The following GPC5 variants were observed in gnomAD, a reference collection of about 807,000 sequenced individuals.
The protein encoded by GPC5 is glypican 5, also known as glypican-5.
Under a neutral mutation model 53.9 loss-of-function variants are expected in GPC5, and 47 were observed. The observed-to-expected ratio is 0.87, with a 90% CI of 0.69 to 1.11. GPC5 has a LOEUF of 1.11. Among genes scored for constraint, GPC5 ranks in the 50% most tolerant of loss-of-function variants. GPC5 has a pLI of 0.00. For missense variants in GPC5, 748 were observed against 713.1 expected (o/e 1.05, Z -0.56); for synonymous variants, 286 against 263.3 (o/e 1.09, Z -0.84).
chr13:91,425,881 CA>C (rs1879006599), intron 1 of GPC5, among the ~76,000 whole-genome samples: 1 of 152,036 alleles, frequency 6.6e-6, no homozygotes, highest in Non-Finnish European at 1.5e-5. Context: ...TGGTTTTGAT[CA>C]AAATGCTGAT....
At position 91,693,815 on chromosome 13, in the gene GPC5, C is replaced by A. The variant is rs1186026116; in HGVS notation, c.954C>A (p.Asn318Lys). The A allele has an allele frequency of 1.2e-6, 2 of 1,613,068 alleles. No homozygotes were observed. The highest frequency in any genetic ancestry group is 1.7e-5 in the Admixed American group (1 of 60,012). ...GTYDIGHVLL[N>K]FHLLVNDAVL... ...ACGACATTGGACACGTGCTGCTGAA[C>A]TTTCACTTGCTTGTTAATGATGCTG... The change falls in exon 3 of 8, where the codon AAC (asparagine) becomes AAA (lysine). Residue 318 changes from asparagine to lysine, a missense_variant. Asn to Lys is a moderately conservative substitution (Grantham distance 94). Transcript: ENST00000377067.
At chr13:91,932,853 A>C (rs2039834462) in intron 6 of GPC5, among the ~76,000 whole-genome samples, 1 of 151,980 alleles carries the variant, frequency 6.6e-6, no homozygotes, top group African/African-American at 2.4e-5. Context: ...CATTTCTCTA[A>C]GTATATTCCA....
chr13:91,551,532 G>A (rs986218069), intron 2 of GPC5, among the ~76,000 whole-genome samples: 1 of 152,106 alleles, frequency 6.6e-6, no homozygotes, highest in South Asian at 2.1e-4. Flanking sequence ...TCCATGGTAT[G>A]TCAGGGATTG....
intron 5 of GPC5, among the ~76,000 whole-genome samples, chr13:91,872,592 CAT>C (rs1594631926): frequency 1.3e-5 from 2 of 151,906 alleles, no homozygotes; most frequent in Admixed American, 6.6e-5. Flanking sequence ...ACATTATATG[CAT>C]ATATGTTATT....
In GPC5 at chr13:91,509,281, C is replaced by T. The variant is rs1476668344; in HGVS notation, c.325+60359C>T. Among the ~76,000 whole-genome samples the T allele has an allele frequency of 2.5e-5, 3 of 120,216 alleles. No homozygotes were observed. The South Asian group carries it at 1.0e-3, about 41-fold the overall frequency. The allele number at this position is 120,216 out of a possible 152,430, so 78.9% of individuals were successfully genotyped here. ...TCAGAGCTCATACCAGGTCAAACTA[C>T]TACATAACTGTTGCAAACAAAAAAA... On this transcript the variant is annotated intron_variant, in intron 2 of 7. Transcript: ENST00000377067.
chr13:92,680,318 C>T (rs931984413), intron 7 of GPC5, among the ~76,000 whole-genome samples: 2 of 152,212 alleles, frequency 1.3e-5, no homozygotes, highest in African/African-American at 4.8e-5. Context: ...AGAGATTCAA[C>T]TCTTTTCAAC....
chr13:91,714,371 A>G (rs1193992651), intron 3 of GPC5, among the ~76,000 whole-genome samples: 2 of 152,000 alleles, frequency 1.3e-5, no homozygotes, highest in Non-Finnish European at 2.9e-5. Context: ...GGATACAATC[A>G]CACACACACA....
chr13:91,925,875 T>A (rs1255340019), intron 6 of GPC5, among the ~76,000 whole-genome samples: 1 of 152,196 alleles, frequency 6.6e-6, no homozygotes, highest in African/African-American at 2.4e-5. Flanking sequence ...TGAGATGGAA[T>A]GGAGAATAAA....
At chr13:91,520,884 G>T (rs947173951) in intron 2 of GPC5, among the ~76,000 whole-genome samples, 38 of 151,944 alleles carry the variant, frequency 2.5e-4, no homozygotes, top group African/African-American at 8.9e-4. Flanking sequence ...TGATGATTGG[G>T]GGGTTTTGGT....
At chr13:92,218,399 CA>C (rs1339580132) in intron 7 of GPC5, among the ~76,000 whole-genome samples, 1 of 152,100 alleles carries the variant, frequency 6.6e-6, no homozygotes, top group Non-Finnish European at 1.5e-5. Context: ...CGTACATGGT[CA>C]AGTGATGTTA....
intron 6 of GPC5, among the ~76,000 whole-genome samples, chr13:92,131,803 A>G (rs190437601): frequency 3.9e-5 from 6 of 152,092 alleles, no homozygotes; most frequent in Non-Finnish European, 8.8e-5. Flanking sequence ...AATAAGGAGT[A>G]TACTTAAGAT....
chr13:92,179,121 G>A (rs1006091409), intron 7 of GPC5, among the ~76,000 whole-genome samples: 1 of 152,094 alleles, frequency 6.6e-6, no homozygotes, highest in African/African-American at 2.4e-5. Flanking sequence ...CTTGCACAAT[G>A]AGTAATTAAT....
chr13:92,391,426 G>GT (rs1874997917), intron 7 of GPC5, among the ~76,000 whole-genome samples: 1 of 152,064 alleles, frequency 6.6e-6, no homozygotes, highest in South Asian at 2.1e-4. Flanking sequence ...TGCTCAAAAT[G>GT]TAAGATGATT....
Position 92,289,890 on chromosome 13 carries a change from CAA to C in GPC5, c.1561+144903_1561+144904del, listed in dbSNP as rs201912711. 1.2e-3 allele frequency among the ~76,000 whole-genome samples: 185 copies of C among 152,042 alleles called. 3 individuals carry two copies. In the East Asian group the frequency reaches 0.032, roughly 26 times the overall value. On this transcript the variant is annotated intron_variant, in intron 7 of 7. Coordinates refer to ENST00000377067, the MANE Select transcript of GPC5 (RefSeq NM_004466.6). ...CCTAAAAATTCCCTGAAGTATTTTT[CAA>C]AGAGACCTAACAAATATCCATTCTA...
intron 6 of GPC5, among the ~76,000 whole-genome samples, chr13:92,113,571 A>G (rs1594768399): frequency 1.3e-5 from 2 of 152,260 alleles, no homozygotes; most frequent in South Asian, 2.1e-4. Context: ...AGATTTAAGA[A>G]CTTTTATCTT....
At chr13:91,695,669 C>T (rs768960054) in intron 3 of GPC5, among the ~76,000 whole-genome samples, 4 of 152,118 alleles carry the variant, frequency 2.6e-5, no homozygotes, top group African/African-American at 4.8e-5. Context: ...GCCACTGAGC[C>T]GGACCAAAAT....
chr13:91,674,067 A>T (rs930550294), intron 2 of GPC5, among the ~76,000 whole-genome samples: 7 of 152,304 alleles, frequency 4.6e-5, no homozygotes, highest in African/African-American at 1.4e-4. Flanking sequence ...TTGCACCTTT[A>T]TCTTTGTAAC....
intron 7 of GPC5, among the ~76,000 whole-genome samples, chr13:92,608,083 T>C (rs189959290): frequency 3.9e-5 from 6 of 152,348 alleles, no homozygotes; most frequent in Non-Finnish European, 7.4e-5. Context: ...CTGTATATAA[T>C]ACATATAACA....
In GPC5 at chr13:92,014,179, G is replaced by A. The variant is rs187425796; in HGVS notation, c.1401+106122G>A. Reference sequence around the variant, plus strand: ...TAGTACAGTAACTGACACTTATGGAGTGCTCATTATGCATAAGCCCATGAT... The same window carrying A: ...TAGTACAGTAACTGACACTTATGGAATGCTCATTATGCATAAGCCCATGAT... On this transcript the variant is annotated intron_variant, in intron 6 of 7. Transcript: ENST00000377067. Among the ~76,000 whole-genome samples, 201 of 152,254 alleles carry A rather than the reference G, an allele frequency of 1.3e-3. 1 individual carries two copies. The highest frequency in any genetic ancestry group is 4.5e-3 in the African/African-American group (186 of 41,550).
Sources: gnomAD v4.1 joint callset for allele counts (sites outside exome capture counted in the v4.1 genomes callset) on GRCh38, gnomAD v4.1.1 for gene constraint, MANE v1.5 for transcripts, NCBI Gene and HGNC (gene_info 2026-07-23, HGNC 2026-07-21) for gene names.